TMC4: variants seen among roughly 807,000 people sequenced by gnomAD.
TMC4 encodes transmembrane channel like 4.
TMC4 carries 70 observed loss-of-function variants against 82.0 expected under a neutral mutation model. The observed-to-expected ratio is 0.85, with a 90% CI of 0.70 to 1.04. TMC4 has a LOEUF of 1.04. Ranked by LOEUF, TMC4 falls within the 50% of genes least tolerant of loss-of-function variation. The probability of loss-of-function intolerance (pLI) is 0.00; values close to 1 mark genes in which losing one functional copy is unlikely to be tolerated. For synonymous variants in TMC4, 446 were observed against 406.0 expected, an observed-to-expected ratio of 1.10 and a Z score of -1.18; for missense variants, 879 against 899.0, an observed-to-expected ratio of 0.98 and a Z score of 0.28.
rs2075528603 is a variant in TMC4, at chr19:54,160,889, C to T, written c.1962G>A (p.Leu654=). The T allele has an allele frequency of 6.2e-7, 1 of 1,614,036 alleles. No homozygotes were observed. Among genetic ancestry groups the T allele is most frequent in the South Asian group, 1.1e-5 (1 of 91,066 alleles). Residue 654 remains leucine (L), a synonymous_variant, in exon 13 of 15, where the codon CTG becomes CTA. Transcript: ENST00000619895. ...LGTQAFAVPL[L]LISSILMAYT... ...CTGGGCCGTCTCACCTGGAGATCAG[C>T]AGAAGGGGCACAGCAAAAGCCTGGG...
chr19:54,162,286 C>T lies in TMC4; in HGVS notation c.1503-1G>A, dbSNP rs2075576922. 2.6e-6 allele frequency: 4 copies of T among 1,559,488 alleles called. No individual in the cohort carries two copies. Among genetic ancestry groups the T allele is most frequent in the Non-Finnish European group, 3.5e-6 (4 of 1,155,618 alleles). ...CCCAGGACAGAGGCCACAGAGGAGC[C>T]TGAAGGACGGGGCGGGGCCGGGCCG... On this transcript the variant is annotated splice_acceptor_variant, in intron 10 of 14. Coordinates refer to ENST00000619895, the MANE Select transcript of TMC4 (RefSeq NM_144686.4). LOFTEE classifies it high-confidence loss of function.
At position 54,169,623 on chromosome 19, in the gene TMC4, A is replaced by C. The variant is rs2075835434; in HGVS notation, c.331T>G (p.Ser111Ala). The C allele has an allele frequency of 3.1e-6, 5 of 1,613,992 alleles. No homozygotes were observed. The East Asian group carries it at 8.9e-5, about 29-fold the overall frequency. ...NASRDQVVYG[S>A]GTKTDRWARL... ...GCCCATCGGTCCGTCTTAGTTCCAGAGCCATAGACCACCTGGTCCCTGCTG... is the reference window on the plus strand; with the variant it reads ...GCCCATCGGTCCGTCTTAGTTCCAGCGCCATAGACCACCTGGTCCCTGCTG... Residue 111 changes from serine to alanine, a missense_variant, in exon 3 of 15, where the codon TCT becomes GCT. By Grantham distance (99) the Ser-to-Ala change is moderately conservative. Transcript: ENST00000619895.
chr19:54,171,921 G>A lies in TMC4; in HGVS notation c.242C>T (p.Pro81Leu), dbSNP rs1280241077. 2 of 1,613,294 alleles carry A rather than the reference G, an allele frequency of 1.2e-6. No individual in the cohort carries two copies. The highest frequency in any genetic ancestry group is 2.2e-5 in the East Asian group (1 of 44,874). The change falls in exon 2 of 15, where the codon CCT becomes CTT. Residue 81 changes from proline to leucine, a missense_variant. Physicochemically the swap from Pro to Leu is moderately conservative, Grantham distance 98. Coordinates refer to ENST00000619895, the MANE Select transcript of TMC4 (RefSeq NM_144686.4). ...TEVTQTELQD[P>L]HPSRELPWPM... ...CCAGGGCAGTTCCCGGGAAGGGTGA[G>A]GGTCCTGCAGCTCTGTCTGGGTGAC...
chr19:54,168,344 G>A (rs375539487), intron 4 of TMC4, 52 bp from the exon 5 acceptor site: 17 of 1,538,004 alleles, frequency 1.1e-5, no homozygotes, highest in African/African-American at 2.7e-5. Context: ...CGGGGCTCCT[G>A]GAGCTGCACA....
chr19:54,168,264 T>C lies in TMC4; in HGVS notation c.704A>G (p.Tyr235Cys). ...EGYLEWSPLF[Y>C]GFYPPRPRLA... ...GCGTGGGCGGGGCGGGTAGAAGCCA[T>C]AGAAGAGAGGGGACCATTCCAGGTA... is the stretch of plus-strand genomic sequence containing the variant. The change falls in exon 5 of 15, where the codon TAT becomes TGT. Residue 235 changes from tyrosine to cysteine, a missense_variant. Coordinates refer to ENST00000619895, the MANE Select transcript of TMC4 (RefSeq NM_144686.4). 2 of 1,556,972 alleles carry C rather than the reference T, an allele frequency of 1.3e-6. No homozygotes were observed. The highest frequency in any genetic ancestry group is 1.4e-5 in the African/African-American group (1 of 73,288).
rs202088479 is a variant in TMC4, at chr19:54,168,972, TTC to T, written c.443-294_443-293del. Among the ~76,000 whole-genome samples the T allele has an allele frequency of 6.4e-3, 143 of 22,388 alleles. 39 individuals are homozygous for T. The highest frequency in any genetic ancestry group is 0.015 in the African/African-American group (53 of 3,632). The allele number at this position is 22,388 out of a possible 152,430, so 14.7% of individuals were successfully genotyped here. A position where few individuals can be genotyped will look rare whatever the true frequency, so the allele number is the denominator to read the frequency against. On this transcript the variant is annotated intron_variant, in intron 3 of 14. Transcript: ENST00000619895. ...CCTTCCTTCCTTCCTTCCTTCTTCT[TTC>T]TCTCTCTCTCTCTCTCTCTCTATAT... is the stretch of plus-strand genomic sequence containing the variant.
intron 2 of TMC4, among the ~76,000 whole-genome samples, chr19:54,170,059 C>G (rs188451706): frequency 6.6e-6 from 1 of 152,050 alleles, no homozygotes; most frequent in African/African-American, 2.4e-5. Context: ...TGAGATGGCG[C>G]CATTGCATTC....
chr19:54,168,029 C>T, intron 5 of TMC4, 142 bp downstream of exon 5: 2 of 1,072,762 alleles, frequency 1.9e-6, no homozygotes, highest in Non-Finnish European at 2.6e-6. Flanking sequence ...CGCCACTACA[C>T]TCTAGCCTGG....
intron 13 of TMC4, 139 bp from the exon 14 acceptor site, chr19:54,160,684 C>G: frequency 6.1e-6 from 9 of 1,476,296 alleles, no homozygotes; most frequent in Non-Finnish European, 7.3e-6. Context: ...CCAGCCCCTC[C>G]GCCTTCAGAT....
chr19:54,163,606 G>T (rs1258773991), intron 8 of TMC4, 118 bp downstream of exon 8: 3 of 1,290,246 alleles, frequency 2.3e-6, no homozygotes, highest in Non-Finnish European at 1.1e-6. Flanking sequence ...AACAGAGTCA[G>T]GATTTGAATC....
At chr19:54,169,936 C>CAAA (rs35772679) in intron 2 of TMC4, among the ~76,000 whole-genome samples, 13 of 139,132 alleles carry the variant, frequency 9.3e-5, no homozygotes, top group Admixed American at 2.9e-4. Flanking sequence ...CTAAAAATAC[C>CAAA]AAAAAAAAAA....
rs1352706005 is a variant in TMC4, at chr19:54,163,685, A to G, written c.1277+39T>C. The G allele has an allele frequency of 3.1e-6, 5 of 1,610,662 alleles. No individual in the cohort carries two copies. The African/African-American group carries it at 4.0e-5, about 13-fold the overall frequency. On this transcript the variant is annotated intron_variant, in intron 8 of 14. Coordinates refer to ENST00000619895, the MANE Select transcript of TMC4 (RefSeq NM_144686.4). The stretch of plus-strand genomic sequence containing the variant: ...CGCCAACATCCCTCTGACCGCCCCC[A>G]CCCTTCATCATTCCCAGCCATCCCC...
intron 2 of TMC4, among the ~76,000 whole-genome samples, chr19:54,171,140 G>A (rs1483664886): frequency 9.6e-5 from 3 of 31,226 alleles, no homozygotes; most frequent in African/African-American, 2.2e-4. Flanking sequence ...ATGGAGTCCC[G>A]CTCTATCACC....
chr19:54,163,650 T>C, intron 8 of TMC4, 74 bp downstream of exon 8: 11 of 1,552,186 alleles, frequency 7.1e-6, no homozygotes, highest in Non-Finnish European at 9.8e-6. Flanking sequence ...TTCCGTGTCT[T>C]ACCTGTCAGC....
At chr19:54,170,014 T>C (rs2075846337) in intron 2 of TMC4, among the ~76,000 whole-genome samples, 2 of 151,140 alleles carry the variant, frequency 1.3e-5, no homozygotes, top group Admixed American at 1.3e-4. Flanking sequence ...GGCAGGAAAA[T>C]TGCTTGAACC....
chr19:54,162,556 G>A (rs969667553), intron 10 of TMC4, 117 bp downstream of exon 10: 4 of 875,462 alleles, frequency 4.6e-6, no homozygotes, highest in South Asian at 1.5e-5. Flanking sequence ...CCTAGGGCAA[G>A]CAAAGGGAGC....
intron 11 of TMC4, 41 bp from the exon 12 acceptor site, chr19:54,161,301 A>G (rs747714603): frequency 1.4e-6 from 2 of 1,446,864 alleles, no homozygotes; most frequent in Non-Finnish European, 1.8e-6. Flanking sequence ...CTGAAACACA[A>G]GAGTCTGTGC....
chr19:54,163,297 T>TTTCG (rs1386337728), intron 8 of TMC4, 138 bp from the exon 9 acceptor site: 1 of 1,056,984 alleles, frequency 9.5e-7, no homozygotes, highest in East Asian at 2.7e-5. Context: ...GATTTCTTTC[T>TTTCG]TTCTTTCTTT....
At chr19:54,167,111 T>A (rs8100978) in intron 5 of TMC4, among the ~76,000 whole-genome samples, 49,951 of 151,456 alleles carry the variant, frequency 0.33, 9,265 homozygotes, top group East Asian at 0.51. Flanking sequence ...TAAAAAAAAA[T>A]TTTTAGCAAG....
Sources: gnomAD v4.1 joint callset for allele counts (sites outside exome capture counted in the v4.1 genomes callset) on GRCh38, gnomAD v4.1.1 for gene constraint, MANE v1.5 for transcripts, NCBI Gene and HGNC (gene_info 2026-07-23, HGNC 2026-07-21) for gene names.